The following KLHL1 variants were observed in gnomAD, a reference collection of about 807,000 sequenced individuals.
The protein encoded by KLHL1 is kelch-like protein 1.
KLHL1 carries 47 observed loss-of-function variants against 77.7 expected under a neutral mutation model. That is an observed-to-expected ratio of 0.60 (90% CI 0.48 to 0.77). KLHL1 has a LOEUF of 0.77. Among genes scored for constraint, KLHL1 ranks in the 30% least tolerant of loss-of-function variants. The pLI is 0.00. For synonymous variants in KLHL1, 360 were observed against 325.2 expected (o/e 1.11, Z -1.15); for missense variants, 925 against 910.8 (o/e 1.02, Z -0.20).
At chr13:69,836,255 C>T (rs964097011) in intron 6 of KLHL1, among the ~76,000 whole-genome samples, 1 of 152,042 alleles carries the variant, frequency 6.6e-6, no homozygotes, top group Non-Finnish European at 1.5e-5. Flanking sequence ...GCAATCAAGG[C>T]AGTCAGGACC....
intron 4 of KLHL1, among the ~76,000 whole-genome samples, chr13:69,886,605 A>T (rs1200449963): frequency 6.6e-6 from 1 of 152,054 alleles, no homozygotes; most frequent in African/African-American, 2.4e-5. Context: ...AATCCCTTCA[A>T]CTATCATCTC....
intron 1 of KLHL1, among the ~76,000 whole-genome samples, chr13:69,991,675 C>T (rs1436495733): frequency 1.4e-5 from 2 of 142,414 alleles, no homozygotes; most frequent in Non-Finnish European, 3.0e-5. Context: ...AGCCTATCAA[C>T]CAAAAAAAAA....
At chr13:69,706,560 G>A (rs1271685049) in intron 10 of KLHL1, among the ~76,000 whole-genome samples, 1 of 151,856 alleles carries the variant, frequency 6.6e-6, no homozygotes, top group Non-Finnish European at 1.5e-5. Flanking sequence ...ACCAAAATCA[G>A]ATCCTTCCAC....
intron 1 of KLHL1, among the ~76,000 whole-genome samples, chr13:70,056,343 ATAT>A (rs1413612186): frequency 6.6e-6 from 1 of 152,150 alleles, no homozygotes; most frequent in Non-Finnish European, 1.5e-5. Context: ...AAATAAACAA[ATAT>A]TATTAGAGCT....
intron 4 of KLHL1, among the ~76,000 whole-genome samples, chr13:69,921,177 A>G (rs1049373387): frequency 6.6e-6 from 1 of 152,208 alleles, no homozygotes; most frequent in Non-Finnish European, 1.5e-5. Context: ...CCTATTTGGC[A>G]AAAAGAAACG....
intron 6 of KLHL1, among the ~76,000 whole-genome samples, chr13:69,812,447 T>C (rs934888188): frequency 3.0e-4 from 46 of 152,232 alleles, no homozygotes; most frequent in African/African-American, 1.0e-3. Flanking sequence ...CCAAAAGCAA[T>C]GGCAACAAAA....
intron 5 of KLHL1, among the ~76,000 whole-genome samples, chr13:69,876,392 T>C (rs557461587): frequency 2.0e-5 from 3 of 152,314 alleles, no homozygotes; most frequent in East Asian, 3.9e-4. Flanking sequence ...CCTTCCTTCT[T>C]GCATTGCTAT....
intron 1 of KLHL1, among the ~76,000 whole-genome samples, chr13:70,037,279 A>C (rs1886263157): frequency 6.6e-6 from 1 of 152,006 alleles, no homozygotes; most frequent in Admixed American, 6.6e-5. Context: ...TTTCTTTATT[A>C]ACTTTTTGAA....
chr13:69,800,709 C>G (rs1877339169), intron 6 of KLHL1, among the ~76,000 whole-genome samples: 1 of 152,006 alleles, frequency 6.6e-6, no homozygotes, highest in Admixed American at 6.6e-5. Flanking sequence ...ATTAATTTAT[C>G]AATTTGTGAG....
At chr13:69,831,849 ACAT>A (rs1001878727) in intron 6 of KLHL1, among the ~76,000 whole-genome samples, 6 of 150,250 alleles carry the variant, frequency 4.0e-5, no homozygotes, top group Admixed American at 6.6e-5. Flanking sequence ...AACAAAAATC[ACAT>A]CATCATCCCA....
At chr13:70,087,606 A>G (rs567637660) in intron 1 of KLHL1, among the ~76,000 whole-genome samples, 23 of 151,998 alleles carry the variant, frequency 1.5e-4, no homozygotes, top group Admixed American at 9.8e-4. Flanking sequence ...ACCAAACCCA[A>G]TGCTTTCTCT....
rs559140175 is a variant in KLHL1 at position 70,004,397 on chromosome 13, C to T, written c.498-28595G>A. ...ATGCTAAGCGTCCAAGATTATGTTG[C>T]TTTTAGCTATGTCCTGACCCTTTCT... is the stretch of plus-strand genomic sequence containing the variant. On this transcript the variant is annotated intron_variant, in intron 1 of 10. Transcript: ENST00000377844. Among the ~76,000 whole-genome samples the T allele has an allele frequency of 4.6e-5, 7 of 151,870 alleles. No individual in the cohort carries two copies. The South Asian group carries it at 1.4e-3, about 31-fold the overall frequency.
intron 8 of KLHL1, among the ~76,000 whole-genome samples, chr13:69,720,761 AG>A (rs1873010642): frequency 6.6e-6 from 1 of 151,420 alleles, no homozygotes; most frequent in Non-Finnish European, 1.5e-5. Context: ...GTGAGTGAAA[AG>A]TTTCAGAAGC....
At chr13:69,917,636 A>G (rs1227642585) in intron 4 of KLHL1, among the ~76,000 whole-genome samples, 6 of 152,126 alleles carry the variant, frequency 3.9e-5, no homozygotes, top group African/African-American at 1.4e-4. Flanking sequence ...ACACAAACAC[A>G]TGAGCATATA....
chr13:69,995,029 C>T lies in KLHL1; in HGVS notation c.498-19227G>A, dbSNP rs1233264656. 2.6e-5 allele frequency among the ~76,000 whole-genome samples: 4 copies of T among 152,086 alleles called. No individual in the cohort carries two copies. In the East Asian group the frequency reaches 7.7e-4, roughly 29 times the overall value. On this transcript the variant is annotated intron_variant, in intron 1 of 10. Coordinates refer to ENST00000377844, the MANE Select transcript of KLHL1 (RefSeq NM_020866.3). ...AAAGACAGTGTGGACACGAGTGTCA[C>T]TATAGATCCCTGCCAGTAGCCCAGT...
At chr13:69,922,057 T>C (rs903295698) in intron 4 of KLHL1, among the ~76,000 whole-genome samples, 1 of 151,778 alleles carries the variant, frequency 6.6e-6, no homozygotes, top group African/African-American at 2.4e-5. Context: ...GAATCCTGAG[T>C]AGCTGGGACT....
intron 4 of KLHL1, among the ~76,000 whole-genome samples, chr13:69,906,389 T>C (rs1882045603): frequency 6.6e-6 from 1 of 151,990 alleles, no homozygotes. Flanking sequence ...TGTTTGTTTG[T>C]TTTTTGCACC....
In KLHL1 at chr13:69,974,246, T is replaced by C. The variant is rs148431106; in HGVS notation, c.680+1374A>G. Among the ~76,000 whole-genome samples, 257 of 151,336 alleles carry C rather than the reference T, an allele frequency of 1.7e-3. 2 individuals carry two copies. Among genetic ancestry groups the C allele is most frequent in the African/African-American group, 6.0e-3 (250 of 41,456 alleles). ...ACATCAATGATTGATAATAATGTAT[T>C]TAGTTTAATATATTCTAAATATATT... On this transcript the variant is annotated intron_variant, in intron 2 of 10. Coordinates refer to ENST00000377844, the MANE Select transcript of KLHL1 (RefSeq NM_020866.3).
At chr13:70,096,409 C>T (rs1402415171) in intron 1 of KLHL1, among the ~76,000 whole-genome samples, 1 of 152,006 alleles carries the variant, frequency 6.6e-6, no homozygotes, top group Non-Finnish European at 1.5e-5. Flanking sequence ...GATTATATCT[C>T]ATTATAGCTT....
Sources: gnomAD v4.1 joint callset for allele counts (sites outside exome capture counted in the v4.1 genomes callset) on GRCh38, gnomAD v4.1.1 for gene constraint, MANE v1.5 for transcripts, NCBI Gene and HGNC (gene_info 2026-07-23, HGNC 2026-07-21) for gene names.